The following EXOC4 variants were observed in gnomAD, a reference collection of about 807,000 sequenced individuals.
EXOC4 encodes SEC8-like 1.
Under a neutral mutation model 107.2 loss-of-function variants are expected in EXOC4, and 71 were observed. The observed-to-expected ratio is 0.66, with a 90% CI of 0.55 to 0.81. The LOEUF is 0.81. Among genes scored for constraint, EXOC4 ranks in the 30% least tolerant of loss-of-function variants. The probability of loss-of-function intolerance (pLI) is 0.00; values close to 1 mark genes in which losing one functional copy is unlikely to be tolerated. For missense variants in EXOC4, 1,108 were observed against 1,189.6 expected, an observed-to-expected ratio of 0.93 and a Z score of 1.01; for synonymous variants, 456 against 441.2, an observed-to-expected ratio of 1.03 and a Z score of -0.42.
chr7:133,353,535 T>C (rs755234582), intron 5 of EXOC4, among the ~76,000 whole-genome samples: 27 of 152,150 alleles, frequency 1.8e-4, no homozygotes, highest in Non-Finnish European at 3.5e-4. Context: ...GGATCCTGTA[T>C]ATGATGAGTA....
At chr7:133,823,867 A>ATTT (rs1440391342) in intron 11 of EXOC4, among the ~76,000 whole-genome samples, 3 of 12,372 alleles carry the variant, frequency 2.4e-4, no homozygotes, top group Non-Finnish European at 2.5e-4. Flanking sequence ...ATATATATAT[A>ATTT]TATATTATAT....
At chr7:134,027,522 G>A (rs1053712399) in intron 17 of EXOC4, among the ~76,000 whole-genome samples, 1 of 152,012 alleles carries the variant, frequency 6.6e-6, no homozygotes, top group African/African-American at 2.4e-5. Context: ...GCTAGGTGTG[G>A]TGGTGCATGC....
At chr7:133,533,214 A>G (rs1169004556) in intron 9 of EXOC4, among the ~76,000 whole-genome samples, 2 of 152,168 alleles carry the variant, frequency 1.3e-5, no homozygotes, top group Non-Finnish European at 2.9e-5. Flanking sequence ...AGTTCAATCA[A>G]TATGAATAGT....
intron 7 of EXOC4, among the ~76,000 whole-genome samples, chr7:133,378,309 C>A (rs868475841): frequency 9.1e-3 from 962 of 105,148 alleles, no homozygotes; most frequent in Non-Finnish European, 0.01. Context: ...GACTCCATCT[C>A]AAAAAAAAAA....
intron 9 of EXOC4, among the ~76,000 whole-genome samples, chr7:133,490,253 A>G (rs747052983): frequency 6.6e-6 from 1 of 152,164 alleles, no homozygotes; most frequent in Non-Finnish European, 1.5e-5. Context: ...TGACTTGTTA[A>G]TTCACTAGTG....
chr7:133,893,738 A>T (rs1377625409), intron 11 of EXOC4, among the ~76,000 whole-genome samples: 1 of 51,144 alleles, frequency 2.0e-5, no homozygotes, highest in Non-Finnish European at 3.2e-5. Context: ...TTTCTTTAAG[A>T]ATGTTGAATA....
intron 9 of EXOC4, among the ~76,000 whole-genome samples, chr7:133,526,465 A>C (rs1800080604): frequency 6.6e-6 from 1 of 152,170 alleles, no homozygotes; most frequent in African/African-American, 2.4e-5. Context: ...AAACAAGAAC[A>C]AACAAAGATT....
intron 6 of EXOC4, among the ~76,000 whole-genome samples, chr7:133,359,738 A>C (rs1010936288): frequency 6.6e-6 from 1 of 152,158 alleles, no homozygotes; most frequent in Non-Finnish European, 1.5e-5. Flanking sequence ...GTTGTGTGCT[A>C]TTTTGCTAGA....
chr7:133,813,975 C>CTAT (rs1797300858), intron 10 of EXOC4, among the ~76,000 whole-genome samples: 2 of 152,186 alleles, frequency 1.3e-5, no homozygotes, highest in South Asian at 4.2e-4. Context: ...ACTTAAGGAA[C>CTAT]TATTATACAG....
chr7:133,925,330 GA>G (rs1259667815), intron 13 of EXOC4, among the ~76,000 whole-genome samples: 5 of 152,090 alleles, frequency 3.3e-5, no homozygotes, highest in South Asian at 4.1e-4. Flanking sequence ...GGCTTTCATA[GA>G]AAAAAGAAAA....
intron 10 of EXOC4, among the ~76,000 whole-genome samples, chr7:133,723,205 G>C (rs1795138876): frequency 6.6e-6 from 1 of 152,198 alleles, no homozygotes; most frequent in Admixed American, 6.5e-5. Context: ...ACAAGGGGTA[G>C]AAAAGAGGGG....
intron 14 of EXOC4, among the ~76,000 whole-genome samples, chr7:133,955,552 C>T (rs1351016211): frequency 6.6e-6 from 1 of 152,212 alleles, no homozygotes; most frequent in Non-Finnish European, 1.5e-5. Context: ...AACATAAGTT[C>T]CCACTCTGGT....
At chr7:133,702,513 T>G (rs934554120) in intron 10 of EXOC4, among the ~76,000 whole-genome samples, 1 of 151,050 alleles carries the variant, frequency 6.6e-6, no homozygotes. Flanking sequence ...CCAATTTTTT[T>G]TTTTGAATTG....
chr7:133,902,988 C>T (rs1298169556), intron 12 of EXOC4, among the ~76,000 whole-genome samples: 6 of 152,054 alleles, frequency 3.9e-5, no homozygotes, highest in Non-Finnish European at 8.8e-5. Flanking sequence ...CCCAGGGAGG[C>T]TCTGTTGAGT....
chr7:133,971,401 G>GAGAGAGAA lies in EXOC4; in HGVS notation c.2207-26090_2207-26089insGAGAGAAA, dbSNP rs1296299775. On this transcript the variant is annotated intron_variant, in intron 14 of 17. Transcript: ENST00000253861. ...AGAGAGAGAGAGAGAGAGAGAGAGA[G>GAGAGAGAA]AAAGAGAGAGAGAATATGTATTCTA... Among the ~76,000 whole-genome samples the GAGAGAGAA allele has an allele frequency of 1.4e-3, 157 of 110,682 alleles. 2 individuals carry two copies. The highest frequency in any genetic ancestry group is 3.6e-3 in the East Asian group (10 of 2,776). The allele number at this position is 110,682 out of a possible 152,430, so 72.6% of individuals were successfully genotyped here.
chr7:133,924,269 C>G (rs1042700380), intron 13 of EXOC4, among the ~76,000 whole-genome samples: 1 of 152,148 alleles, frequency 6.6e-6, no homozygotes. Context: ...TATTTTTTCC[C>G]AACTTTACAG....
intron 14 of EXOC4, among the ~76,000 whole-genome samples, chr7:133,963,951 GA>G (rs1259311281): frequency 3.3e-5 from 5 of 152,158 alleles, no homozygotes; most frequent in Non-Finnish European, 7.3e-5. Flanking sequence ...AAGAAGAAAG[GA>G]GTAGTTCATC....
At chr7:133,664,108 C>T (rs1250607934) in intron 10 of EXOC4, among the ~76,000 whole-genome samples, 1 of 152,140 alleles carries the variant, frequency 6.6e-6, no homozygotes, top group Non-Finnish European at 1.5e-5. Flanking sequence ...ACCTTTACGG[C>T]TTTTCTCAAA....
chr7:133,388,791 A>G (rs975527871), intron 7 of EXOC4, among the ~76,000 whole-genome samples: 8 of 152,160 alleles, frequency 5.3e-5, no homozygotes, highest in African/African-American at 1.7e-4. Context: ...AAATATTGCA[A>G]TTTGATTAAT....
Sources: allele counts gnomAD v4.1 joint callset (sites outside exome capture counted in the v4.1 genomes callset), GRCh38; gene constraint gnomAD v4.1.1; transcripts MANE v1.5; gene names NCBI Gene and HGNC (gene_info 2026-07-23, HGNC 2026-07-21).